The following OPRD1 variants were observed in gnomAD, a reference collection of about 807,000 sequenced individuals.
OPRD1 encodes opioid receptor delta 1.
OPRD1 carries 19 observed loss-of-function variants against 17.5 expected under a neutral mutation model. That is an observed-to-expected ratio of 1.09 (90% CI 0.76 to 1.60). OPRD1 has a LOEUF of 1.60. OPRD1 is among the 40% of genes most tolerant of loss of function. The pLI is 0.00. For synonymous variants in OPRD1, 256 were observed against 240.9 expected (o/e 1.06, Z -0.58); for missense variants, 483 against 547.2 (o/e 0.88, Z 1.17).
At position 28,827,392 on chromosome 1, in the gene OPRD1, C is replaced by G. The variant is rs147677022; in HGVS notation, c.227+14782C>G. ...GGAGTGCAGTGGCTACTCACAGGCA[C>G]GATCATAGCTCACTACAGCCCCAAA... On this transcript the variant is annotated intron_variant, in intron 1 of 2. Transcript: ENST00000234961. Among the ~76,000 whole-genome samples the G allele has an allele frequency of 4.2e-3, 645 of 152,158 alleles. 4 individuals carry two copies. The highest frequency in any genetic ancestry group is 0.015 in the African/African-American group (623 of 41,520).
At chr1:28,820,221 G>C (rs979335913) in intron 1 of OPRD1, among the ~76,000 whole-genome samples, 1 of 133,444 alleles carries the variant, frequency 7.5e-6, no homozygotes, top group African/African-American at 3.0e-5. Flanking sequence ...TTTTGAGATA[G>C]TCTCGCTCTG....
intron 1 of OPRD1, among the ~76,000 whole-genome samples, chr1:28,857,453 C>A (rs916984061): frequency 1.3e-5 from 2 of 151,958 alleles, no homozygotes; most frequent in African/African-American, 2.4e-5. Flanking sequence ...AAGTATTTTT[C>A]TTTTTCTTTT....
At chr1:28,834,413 C>G (rs781595367) in intron 1 of OPRD1, among the ~76,000 whole-genome samples, 6 of 140,654 alleles carry the variant, frequency 4.3e-5, no homozygotes, top group Non-Finnish European at 9.1e-5. Flanking sequence ...TAGAGTCTTG[C>G]TCTGTCATCC....
chr1:28,817,556 C>G (rs1283471785), intron 1 of OPRD1, among the ~76,000 whole-genome samples: 1 of 152,218 alleles, frequency 6.6e-6, no homozygotes, highest in Non-Finnish European at 1.5e-5. Flanking sequence ...TTGTCTCCCT[C>G]CCCTCTCTTG....
rs897400222 is a variant in OPRD1 at position 28,870,056 on chromosome 1, T to C, written c.*6773T>C. On this transcript the variant is annotated 3_prime_UTR_variant, in exon 3 of 3. Transcript: ENST00000234961. ...AGAAGATTCAGAAAGAGGCTATGAG[T>C]GAAGGACCTTGTCTGTTTTGGTCAT... 2.6e-5 allele frequency: 4 copies of C among 152,110 alleles called. No homozygotes were observed. The highest frequency in any genetic ancestry group is 2.6e-4 in the Admixed American group (4 of 15,252). The allele number at this position is 152,110 out of a possible 1,614,324, so 9.4% of individuals were successfully genotyped here.
At chr1:28,858,750 T>G (rs993639597) in intron 1 of OPRD1, among the ~76,000 whole-genome samples, 1 of 152,152 alleles carries the variant, frequency 6.6e-6, no homozygotes, top group African/African-American at 2.4e-5. Context: ...TTCGTCTTGT[T>G]AGCCAGGATG....
chr1:28,855,829 C>T (rs1416831268), intron 1 of OPRD1, among the ~76,000 whole-genome samples: 1 of 152,222 alleles, frequency 6.6e-6, no homozygotes, highest in African/African-American at 2.4e-5. Context: ...CCACTGAAGA[C>T]ACTTCCTGAG....
At chr1:28,849,804 A>C (rs188320385) in intron 1 of OPRD1, among the ~76,000 whole-genome samples, 2 of 152,274 alleles carry the variant, frequency 1.3e-5, no homozygotes, top group East Asian at 3.9e-4. Context: ...AAGATACTAT[A>C]AGTGCTATAT....
intron 1 of OPRD1, among the ~76,000 whole-genome samples, chr1:28,844,814 G>A: frequency 6.6e-6 from 1 of 151,866 alleles, no homozygotes; most frequent in Admixed American, 6.6e-5. Flanking sequence ...GCACAATCTC[G>A]GCTCACTGCA....
chr1:28,814,848 G>A (rs904671839), intron 1 of OPRD1, among the ~76,000 whole-genome samples: 8 of 152,198 alleles, frequency 5.3e-5, no homozygotes, highest in African/African-American at 1.9e-4. Context: ...TGTGAAAATT[G>A]TATCTCTGGG....
At chr1:28,862,585 C>T (rs1054446314) in intron 2 of OPRD1, among the ~76,000 whole-genome samples, 157 bp from the exon 3 acceptor site, 6 of 152,184 alleles carry the variant, frequency 3.9e-5, no homozygotes, top group African/African-American at 1.4e-4. Context: ...GTACCGAAGC[C>T]GAGGAGGACA....
At chr1:28,819,633 A>G (rs2088695784) in intron 1 of OPRD1, among the ~76,000 whole-genome samples, 1 of 152,168 alleles carries the variant, frequency 6.6e-6, no homozygotes, top group Non-Finnish European at 1.5e-5. Context: ...GCAAATGGGG[A>G]CAAGAAGGCT....
At position 28,870,543 on chromosome 1, in the gene OPRD1, C is replaced by G. The variant is rs918612264; in HGVS notation, c.*7260C>G. ...CAGGCATGAGCCACCGTGCCCAGCC[C>G]AACCCATGGTTCTTAATGCTGCAGG... On this transcript the variant is annotated 3_prime_UTR_variant, in exon 3 of 3. Coordinates refer to ENST00000234961, the MANE Select transcript of OPRD1 (RefSeq NM_000911.4). The G allele has an allele frequency of 6.6e-6, 1 of 152,294 alleles. No homozygotes were observed. Among genetic ancestry groups the G allele is most frequent in the African/African-American group, 2.4e-5 (1 of 41,448 alleles). 9.4% of individuals were successfully genotyped at this position (152,294 alleles called of 1,614,324 possible). A position where few individuals can be genotyped will look rare whatever the true frequency, so the allele number is the denominator to read the frequency against.
chr1:28,818,613 C>T (rs577175824), intron 1 of OPRD1, among the ~76,000 whole-genome samples: 22 of 152,276 alleles, frequency 1.4e-4, no homozygotes, highest in African/African-American at 4.8e-4. Context: ...GATGGAGAGG[C>T]TGCAGGGACA....
chr1:28,846,870 CTT>C (rs374932083), intron 1 of OPRD1, among the ~76,000 whole-genome samples: 1,570 of 75,270 alleles, frequency 0.021, 18 homozygotes, highest in East Asian at 0.12. Flanking sequence ...TTCTTTCTTT[CTT>C]TCTTTCTTTC....
rs1016492944 is a variant in OPRD1, at chr1:28,866,980, T to C, written c.*3697T>C. On this transcript the variant is annotated 3_prime_UTR_variant, in exon 3 of 3. Coordinates refer to ENST00000234961, the MANE Select transcript of OPRD1 (RefSeq NM_000911.4). ...CCTGATTTCAAAATGTCCTACTGTTTCAGATCTCTTCTTCTTCATCATCTT... is the reference window on the plus strand; with the variant it reads ...CCTGATTTCAAAATGTCCTACTGTTCCAGATCTCTTCTTCTTCATCATCTT... The C allele has an allele frequency of 6.6e-6, 1 of 150,620 alleles. No individual in the cohort carries two copies. The allele number at this position is 150,620 out of a possible 1,614,324, so 9.3% of individuals were successfully genotyped here.
chr1:28,857,792 A>G (rs1027685538), intron 1 of OPRD1, among the ~76,000 whole-genome samples: 2 of 150,580 alleles, frequency 1.3e-5, no homozygotes, highest in African/African-American at 2.4e-5. Flanking sequence ...CTGGCTTAGG[A>G]TTTTTCTTTT....
chr1:28,834,904 A>G (rs888147940), intron 1 of OPRD1, among the ~76,000 whole-genome samples: 1 of 152,138 alleles, frequency 6.6e-6, no homozygotes, highest in Non-Finnish European at 1.5e-5. Context: ...TCCAGCCAAC[A>G]GGTAACCCTC....
rs139895939 is a variant in OPRD1, at chr1:28,862,988, C to T, written c.824C>T (p.Ala275Val). 1.1e-5 allele frequency: 18 copies of T among 1,610,086 alleles called. No individual in the cohort carries two copies. Among genetic ancestry groups the T allele is most frequent in the East Asian group, 2.2e-5 (1 of 44,734 alleles). ...VVVGAFVVCW[A>V]PIHIFVIVWT... ...GTGGGCGCCTTCGTGGTGTGTTGGG[C>T]GCCCATCCACATCTTCGTCATCGTC... Residue 275 changes from alanine (A) to valine (V), a missense_variant, in exon 3 of 3, where the codon GCG becomes GTG. Transcript: ENST00000234961.
Sources: gnomAD v4.1 joint callset for allele counts (sites outside exome capture counted in the v4.1 genomes callset) on GRCh38, gnomAD v4.1.1 for gene constraint, MANE v1.5 for transcripts, NCBI Gene and HGNC (gene_info 2026-07-23, HGNC 2026-07-21) for gene names.